The following RCHY1 variants were observed in gnomAD, a reference collection of about 807,000 sequenced individuals.
RCHY1 encodes the protein RING finger and CHY zinc finger domain-containing protein 1.
Under a neutral mutation model 41.6 loss-of-function variants are expected in RCHY1, and 21 were observed. The observed-to-expected ratio is 0.51, with a 90% CI of 0.36 to 0.73. The LOEUF is 0.73. RCHY1 is among the 30% of genes least tolerant of loss of function. The probability of loss-of-function intolerance (pLI) is 0.00; values close to 1 mark genes in which losing one functional copy is unlikely to be tolerated. For missense variants in RCHY1, 265 were observed against 325.3 expected, an observed-to-expected ratio of 0.81 and a Z score of 1.43; for synonymous variants, 79 against 102.9, an observed-to-expected ratio of 0.77 and a Z score of 1.41.
intron 8 of RCHY1, among the ~76,000 whole-genome samples, chr4:75,483,806 G>A (rs1444822576): frequency 6.6e-6 from 1 of 152,136 alleles, no homozygotes; most frequent in African/African-American, 2.4e-5. Context: ...ATCCTCGTAT[G>A]CTGAAGTATC....
chr4:75,482,569 C>T lies in RCHY1; in HGVS notation c.755G>A (p.Gly252Glu). 1 of 1,610,508 alleles carries T rather than the reference C, an allele frequency of 6.2e-7. No homozygotes were observed. Among genetic ancestry groups the T allele is most frequent in the Non-Finnish European group, 8.5e-7 (1 of 1,178,002 alleles). Residue 252 changes from glycine to glutamate, a missense_variant, in exon 9 of 9, where the codon GGA (glycine) becomes GAA (glutamate). Coordinates refer to ENST00000324439, the MANE Select transcript of RCHY1 (RefSeq NM_015436.4). ...CTGATCCAGTGAAATTCTACGTCCT[C>T]CAGCTTGAGCAGTATTATAGGATTC... is the stretch of plus-strand genomic sequence containing the variant. ...ICESYNTAQAGGRRISLDQQ is the reference protein window; with the variant it reads ...ICESYNTAQAEGRRISLDQQ
chr4:75,503,809 G>A (rs1724033969), intron 3 of RCHY1, among the ~76,000 whole-genome samples: 1 of 152,156 alleles, frequency 6.6e-6, no homozygotes, highest in Admixed American at 6.5e-5. Flanking sequence ...TAAAGAATGT[G>A]TGATAATATT....
intron 3 of RCHY1, among the ~76,000 whole-genome samples, chr4:75,507,565 T>A (rs1332013422): frequency 6.6e-6 from 1 of 152,062 alleles, no homozygotes; most frequent in Admixed American, 6.6e-5. Context: ...CAAACTGGAT[T>A]GAAAAATTAA....
In RCHY1 at chr4:75,481,367, T is replaced by C. The variant is rs2148701453; in HGVS notation, c.*1171A>G. ...TCAACTGATAAATGTACATTTTACATCCTAGCCTAATGGTAAAGCTATTAC... is the reference window on the plus strand; with the variant it reads ...TCAACTGATAAATGTACATTTTACACCCTAGCCTAATGGTAAAGCTATTAC... On this transcript the variant is annotated 3_prime_UTR_variant, in exon 9 of 9. Coordinates refer to ENST00000324439, the MANE Select transcript of RCHY1 (RefSeq NM_015436.4). 6.6e-6 allele frequency: 1 copy of C among 152,334 alleles called. No individual in the cohort carries two copies. Among genetic ancestry groups the C allele is most frequent in the South Asian group, 2.1e-4 (1 of 4,834 alleles). The allele number at this position is 152,334 out of a possible 1,614,324, so 9.4% of individuals were successfully genotyped here. A position where few individuals can be genotyped will look rare whatever the true frequency, so the allele number is the denominator to read the frequency against.
chr4:75,498,886 T>C (rs1723469922), intron 3 of RCHY1, among the ~76,000 whole-genome samples: 1 of 152,098 alleles, frequency 6.6e-6, no homozygotes, highest in Non-Finnish European at 1.5e-5. Flanking sequence ...TTGGCAAAGA[T>C]TTTTTTGTGT....
chr4:75,514,618 C>T (rs1176606785), upstream of RCHY1: 1 of 239,854 alleles, frequency 4.2e-6, no homozygotes, highest in Non-Finnish European at 8.2e-6. Context: ...CGCGGAGACG[C>T]TGGTTGGCCC....
chr4:75,503,238 G>A (rs551794124), intron 3 of RCHY1, among the ~76,000 whole-genome samples: 2 of 152,174 alleles, frequency 1.3e-5, no homozygotes, highest in African/African-American at 4.8e-5. Flanking sequence ...GATATCACCT[G>A]GGAAAAAACT....
At chr4:75,487,756 TAA>T (rs1188176182) in intron 8 of RCHY1, among the ~76,000 whole-genome samples, 2 of 97,558 alleles carry the variant, frequency 2.1e-5, no homozygotes, top group African/African-American at 4.6e-5. Flanking sequence ...TATATATTCA[TAA>T]TATATATATT....
In RCHY1 at chr4:75,482,614, C is replaced by A. The variant is rs767252436; in HGVS notation, c.710G>T (p.Gly237Val). 8 of 1,610,656 alleles carry A rather than the reference C, an allele frequency of 5.0e-6. No individual in the cohort carries two copies. The highest frequency in any genetic ancestry group is 2.2e-5 in the South Asian group (2 of 90,894). The change falls in exon 9 of 9, where the codon GGC (glycine) becomes GTC (valine). Residue 237 changes from glycine (G) to valine (V), a missense_variant. Physicochemically the swap from Gly to Val is moderately radical, Grantham distance 109 (BLOSUM62 -3). Transcript: ENST00000324439. The stretch of plus-strand genomic sequence containing the variant: ...GGATTCACAAATCTTACATTTCATG[C>A]CTAATATATGAAACTGAACAGTGGA... ...GRSTVQFHIL[G>V]MKCKICESYN... is the part of the protein sequence containing the mutation.
intron 3 of RCHY1, among the ~76,000 whole-genome samples, chr4:75,494,893 T>C (rs1215591665): frequency 6.6e-6 from 1 of 151,962 alleles, no homozygotes; most frequent in African/African-American, 2.4e-5. Flanking sequence ...GTCATTTTAA[T>C]TTGCATTTCA....
Position 75,502,534 on chromosome 4 carries a change from C to T in RCHY1, c.326+6286G>A, listed in dbSNP as rs559702068. 1.5e-3 allele frequency among the ~76,000 whole-genome samples: 226 copies of T among 151,312 alleles called. 7 individuals are homozygous for T. The South Asian group carries it at 0.045, about 30-fold the overall frequency. Reference sequence around the variant, plus strand: ...CAGCCTGGGCGCCAGAGTGAGACTCCGTCTCAAAAAAAAAGAGAAAAGAAA... The same window carrying T: ...CAGCCTGGGCGCCAGAGTGAGACTCTGTCTCAAAAAAAAAGAGAAAAGAAA... On this transcript the variant is annotated intron_variant, in intron 3 of 8. Coordinates refer to ENST00000324439, the MANE Select transcript of RCHY1 (RefSeq NM_015436.4).
intron 1 of RCHY1, among the ~76,000 whole-genome samples, chr4:75,513,217 C>A (rs11722278): frequency 0.21 from 31,179 of 152,030 alleles, 3,279 homozygotes; most frequent in Middle Eastern, 0.32. Flanking sequence ...AGGCCTGAGA[C>A]TTGAACTTGC....
chr4:75,488,688 G>A (rs775972110), intron 8 of RCHY1, among the ~76,000 whole-genome samples: 2 of 152,132 alleles, frequency 1.3e-5, no homozygotes, highest in African/African-American at 4.8e-5. Flanking sequence ...TGGTATTTAA[G>A]AGGACACAAA....
Position 75,485,348 on chromosome 4 carries a change from C to T in RCHY1, c.658-2682G>A, listed in dbSNP as rs139269547. The stretch of plus-strand genomic sequence containing the variant: ...AAACGATCTATGGAACTAAAGTATA[C>T]CTTTCTGGCATTCAACTGGCTATAC... On this transcript the variant is annotated intron_variant, in intron 8 of 8. Transcript: ENST00000324439. 9.8e-5 allele frequency among the ~76,000 whole-genome samples: 15 copies of T among 152,302 alleles called. No individual in the cohort carries two copies. The East Asian group carries it at 2.1e-3, about 22-fold the overall frequency.
At position 75,479,484 on chromosome 4, in the gene RCHY1, T is replaced by C. The variant is rs138127035; in HGVS notation, c.*3054A>G. 2.0e-5 allele frequency: 3 copies of C among 152,214 alleles called. No individual in the cohort carries two copies. The East Asian group carries it at 5.8e-4, about 29-fold the overall frequency. The allele number at this position is 152,214 out of a possible 1,614,324, so 9.4% of individuals were successfully genotyped here. A position where few individuals can be genotyped will look rare whatever the true frequency, so the allele number is the denominator to read the frequency against. The stretch of plus-strand genomic sequence containing the variant: ...ATGTATATCATATGAAAATAGGTTT[T>C]AGTGAAGAAATAAAAACTGAGTTTG... On this transcript the variant is annotated 3_prime_UTR_variant, in exon 9 of 9. Transcript: ENST00000324439.
intron 3 of RCHY1, among the ~76,000 whole-genome samples, chr4:75,495,401 C>A (rs1004018789): frequency 2.6e-5 from 4 of 152,074 alleles, no homozygotes; most frequent in Middle Eastern, 3.4e-3. Context: ...AATTTCTATT[C>A]TCCACTTCTT....
At chr4:75,508,202 T>C (rs1724514708) in intron 3 of RCHY1, among the ~76,000 whole-genome samples, 1 of 152,180 alleles carries the variant, frequency 6.6e-6, no homozygotes, top group African/African-American at 2.4e-5. Flanking sequence ...ACCTTGGGCT[T>C]TGACAGTATT....
At chr4:75,508,060 T>G (rs1368694990) in intron 3 of RCHY1, among the ~76,000 whole-genome samples, 2 of 151,920 alleles carry the variant, frequency 1.3e-5, no homozygotes, top group Admixed American at 1.3e-4. Context: ...GGTAGGTTGG[T>G]TATCCTTCCT....
intron 8 of RCHY1, among the ~76,000 whole-genome samples, chr4:75,485,436 T>G (rs1326531294): frequency 6.6e-6 from 1 of 152,228 alleles, no homozygotes; most frequent in Non-Finnish European, 1.5e-5. Context: ...AATTTACATT[T>G]GTAAAGGTGT....
Sources: allele counts gnomAD v4.1 joint callset (sites outside exome capture counted in the v4.1 genomes callset), GRCh38; gene constraint gnomAD v4.1.1; transcripts MANE v1.5; gene names NCBI Gene and HGNC (gene_info 2026-07-23, HGNC 2026-07-21).